Variants in CPM observed in about 807,000 individuals in gnomAD.
CPM encodes carboxypeptidase M, also known as renal carboxypeptidase.
CPM carries 35 observed loss-of-function variants against 46.4 expected under a neutral mutation model. That is an observed-to-expected ratio of 0.75 (90% CI 0.58 to 1.00). CPM has a LOEUF of 1.00. CPM is among the 50% of genes least tolerant of loss of function. The pLI is 0.00. For missense variants in CPM, 422 were observed against 530.4 expected (o/e 0.80, Z 2.01); for synonymous variants, 195 against 195.3 (o/e 1.00, Z 0.01).
chr12:68,962,209 A>AAAAAAAC (rs1555203334), intron 1 of CPM, among the ~76,000 whole-genome samples: 2 of 78,484 alleles, frequency 2.5e-5, no homozygotes, highest in South Asian at 6.0e-4. Context: ...CAAAAAAAAA[A>AAAAAAAC]AAAAAAAAAC....
In CPM at chr12:68,869,341, A is replaced by G. The variant is rs1261057931; in HGVS notation, c.771T>C (p.Ser257=). ...NFPNGVTNGY[S]WYPLQGGMQD... ...GAAACTCACCTTGGAGTGGATACCA[A>G]GAGTATCCATTTGTAACACCATTAG... Residue 257 remains serine (S), a synonymous_variant, in exon 6 of 9, where the codon TCT becomes TCC. Transcript: ENST00000551568. The G allele has an allele frequency of 6.2e-7, 1 of 1,613,166 alleles. No individual in the cohort carries two copies. Among genetic ancestry groups the G allele is most frequent in the South Asian group, 1.1e-5 (1 of 90,964 alleles).
chr12:68,879,345 G>C (rs1313082128), intron 3 of CPM, among the ~76,000 whole-genome samples: 14 of 152,056 alleles, frequency 9.2e-5, no homozygotes, highest in Admixed American at 7.9e-4. Flanking sequence ...ATGTTACTAG[G>C]GTTGGCTTAA....
chr12:68,931,763 A>AAAAAAAGAAAGAAAGAAAGAAAG (rs1482981614), intron 2 of CPM, among the ~76,000 whole-genome samples: 5 of 132,502 alleles, frequency 3.8e-5, no homozygotes, highest in African/African-American at 1.5e-4. Context: ...AAAAAAAAAA[A>AAAAAAAGAAAGAAAGAAAGAAAG]AAAGAAAGAA....
chr12:68,885,660 T>A, intron 3 of CPM, 132 bp downstream of exon 3: 2 of 710,640 alleles, frequency 2.8e-6, no homozygotes, highest in Non-Finnish European at 4.7e-6. Context: ...AAGACCTCTC[T>A]GGGCCTTGCT....
intron 7 of CPM, among the ~76,000 whole-genome samples, chr12:68,862,351 C>T (rs1426174161): frequency 7.2e-6 from 1 of 139,148 alleles, no homozygotes; most frequent in Non-Finnish European, 1.6e-5. Context: ...TCTCCTGCCT[C>T]AGCACCCCAA....
At position 68,871,858 on chromosome 12, in the gene CPM, T is replaced by C. The variant is rs755115719; in HGVS notation, c.357A>G (p.Ile119Met). 6.2e-7 allele frequency: 1 copy of C among 1,614,084 alleles called. No homozygotes were observed. Among genetic ancestry groups the C allele is most frequent in the Non-Finnish European group, 8.5e-7 (1 of 1,180,034 alleles). ...EITNLINSTRIHIMPSMNPDG... is the reference protein window; with the variant it reads ...EITNLINSTRMHIMPSMNPDG... ...CTGGGTTCATGGAAGGCATGATGTGTATCCGGGTACTATTGATCAGATTTG... is the reference window on the plus strand; with the variant it reads ...CTGGGTTCATGGAAGGCATGATGTGCATCCGGGTACTATTGATCAGATTTG... The change falls in exon 4 of 9, where the codon ATA becomes ATG. Residue 119 changes from isoleucine (I) to methionine (M), a missense_variant. Coordinates refer to ENST00000551568, the MANE Select transcript of CPM (RefSeq NM_198320.5).
At chr12:68,931,763 A>AAAAAAAAAAAG (rs1482981614) in intron 2 of CPM, among the ~76,000 whole-genome samples, 34 of 132,516 alleles carry the variant, frequency 2.6e-4, no homozygotes, top group African/African-American at 6.7e-4. Context: ...AAAAAAAAAA[A>AAAAAAAAAAAG]AAAGAAAGAA....
intron 1 of CPM, among the ~76,000 whole-genome samples, chr12:68,953,918 CTG>C (rs1288505443): frequency 2.0e-5 from 3 of 152,322 alleles, no homozygotes; most frequent in African/African-American, 7.2e-5. Flanking sequence ...GAAGTCGTTG[CTG>C]TGTGTTTATG....
chr12:68,877,739 G>A (rs533116861), intron 3 of CPM, among the ~76,000 whole-genome samples: 3 of 152,244 alleles, frequency 2.0e-5, no homozygotes, highest in South Asian at 2.1e-4. Context: ...CTTGGGCAGC[G>A]GCATTTAGAA....
intron 1 of CPM, among the ~76,000 whole-genome samples, chr12:68,950,827 A>T (rs994395705): frequency 6.6e-6 from 1 of 152,186 alleles, no homozygotes; most frequent in Non-Finnish European, 1.5e-5. Flanking sequence ...CATGGGTTCC[A>T]GTCTGTCTGG....
chr12:68,937,281 C>A (rs1295277398), upstream of CPM, among the ~76,000 whole-genome samples: 1 of 152,210 alleles, frequency 6.6e-6, no homozygotes. Flanking sequence ...ACCTAAATGT[C>A]AAACAACAGC....
At chr12:68,921,382 TCCAC>T (rs1273919211) in intron 2 of CPM, among the ~76,000 whole-genome samples, 2 of 152,140 alleles carry the variant, frequency 1.3e-5, no homozygotes, top group Non-Finnish European at 2.9e-5. Flanking sequence ...CCTCAAGTGA[TCCAC>T]CCGCCTCAGC....
intron 2 of CPM, among the ~76,000 whole-genome samples, chr12:68,893,865 G>A (rs1373218839): frequency 6.6e-6 from 1 of 152,156 alleles, no homozygotes; most frequent in Admixed American, 6.5e-5. Context: ...GTTCTGCGTG[G>A]ATCTGGGAAC....
At chr12:68,850,697 T>C (rs2136203508), downstream of CPM, 1 of 152,334 alleles carries the variant, frequency 6.6e-6, no homozygotes, top group Non-Finnish European at 1.5e-5. Context: ...GCCTTCTCTA[T>C]ATATCAGTAT....
intron 3 of CPM, among the ~76,000 whole-genome samples, chr12:68,882,419 T>C (rs1486626351): frequency 6.6e-6 from 1 of 152,166 alleles, no homozygotes; most frequent in Admixed American, 6.5e-5. Context: ...CATGGCTGCA[T>C]AGTATTCCAC....
chr12:68,909,657 T>TA (rs1411849911), intron 2 of CPM, among the ~76,000 whole-genome samples: 1 of 152,010 alleles, frequency 6.6e-6, no homozygotes, highest in Non-Finnish European at 1.5e-5. Context: ...TATTCAGCCA[T>TA]AAAAAGGATG....
At chr12:68,940,284 G>A (rs1404309016) in intron 1 of CPM, among the ~76,000 whole-genome samples, 1 of 151,828 alleles carries the variant, frequency 6.6e-6, no homozygotes, top group Non-Finnish European at 1.5e-5. Context: ...TGTTAAAATT[G>A]ATGAGCCAAT....
At chr12:68,933,233 G>A, upstream of CPM, 1 of 151,820 alleles carries the variant, frequency 6.6e-6, no homozygotes, top group Non-Finnish European at 1.5e-5. Flanking sequence ...CCCGGGCCCC[G>A]CCCCCGGACG....
At chr12:68,953,251 CT>C (rs1021089084) in intron 1 of CPM, among the ~76,000 whole-genome samples, 35 of 146,938 alleles carry the variant, frequency 2.4e-4, no homozygotes, top group Non-Finnish European at 2.3e-4. Flanking sequence ...TTTTCTCTCT[CT>C]TTTTTTTTTT....
Sources: allele counts gnomAD v4.1 joint callset (sites outside exome capture counted in the v4.1 genomes callset), GRCh38; gene constraint gnomAD v4.1.1; transcripts MANE v1.5; gene names NCBI Gene and HGNC (gene_info 2026-07-23, HGNC 2026-07-21).